THAP5: variants seen among roughly 807,000 people sequenced by gnomAD.
THAP5 encodes THAP domain-containing protein 5.
THAP5 carries 26 observed loss-of-function variants against 34.0 expected under a neutral mutation model. The ratio of observed to expected loss-of-function variants is 0.77; its 90% CI spans 0.56 to 1.06. THAP5 has a LOEUF of 1.06. THAP5 is among the 50% of genes least tolerant of loss of function. The pLI is 0.00. For missense variants in THAP5, 394 were observed against 452.8 expected, an observed-to-expected ratio of 0.87 and a Z score of 1.18; for synonymous variants, 125 against 153.0, an observed-to-expected ratio of 0.82 and a Z score of 1.35.
At chr7:108,560,122 G>A (rs1205792086), downstream of THAP5, among the ~76,000 whole-genome samples, 5 of 152,112 alleles carry the variant, frequency 3.3e-5, no homozygotes, top group Non-Finnish European at 7.3e-5. Context: ...AAGATTACAT[G>A]TTGTCTTGTA....
At position 108,565,110 on chromosome 7, in the gene THAP5, A is replaced by C; in HGVS notation, c.274-5T>G. Reference sequence around the variant, plus strand: ...TTTTTTAGAAGGGTCTTTTCCCTAGAAAATAATATTTTCATGTTCTGAAAA... The same window carrying C: ...TTTTTTAGAAGGGTCTTTTCCCTAGCAAATAATATTTTCATGTTCTGAAAA... On this transcript the variant is annotated splice_region_variant and splice_polypyrimidine_tract_variant and intron_variant, in intron 2 of 2. Coordinates refer to ENST00000415914, the MANE Select transcript of THAP5 (RefSeq NM_001130475.3). The C allele has an allele frequency of 6.7e-7, 1 of 1,488,548 alleles. No individual in the cohort carries two copies. The highest frequency in any genetic ancestry group is 8.9e-7 in the Non-Finnish European group (1 of 1,121,440). The allele number at this position is 1,488,548 out of a possible 1,614,324, so 92.2% of individuals were successfully genotyped here.
downstream of THAP5, among the ~76,000 whole-genome samples, chr7:108,558,414 T>TATATATATATA (rs1554694581): frequency 5.2e-4 from 69 of 133,018 alleles, no homozygotes; most frequent in Non-Finnish European, 7.5e-4. Context: ...TATATATATA[T>TATATATATATA]TTAGACAGAG....
At chr7:108,544,798 C>T in the THAP5 span, among the ~76,000 whole-genome samples, 1 of 151,996 alleles carries the variant, frequency 6.6e-6, no homozygotes, top group Non-Finnish European at 1.5e-5. Context: ...ACTGGGGCTA[C>T]AGGGGCACAT....
chr7:108,548,839 G>A, the THAP5 span, among the ~76,000 whole-genome samples: 2 of 152,138 alleles, frequency 1.3e-5, no homozygotes, highest in African/African-American at 4.8e-5. Context: ...AATTATGGGA[G>A]CTACAATTTA....
At chr7:108,567,748 C>T (rs371525784) in intron 1 of THAP5, among the ~76,000 whole-genome samples, 1 of 152,140 alleles carries the variant, frequency 6.6e-6, no homozygotes, top group African/African-American at 2.4e-5. Flanking sequence ...AAATTCAATT[C>T]AAGTTTGACG....
At position 108,563,036 on chromosome 7, in the gene THAP5, A is replaced by G. The variant is rs563087871; in HGVS notation, c.*1155T>C. The G allele has an allele frequency of 6.6e-6, 1 of 152,310 alleles. No individual in the cohort carries two copies. The highest frequency in any genetic ancestry group is 2.4e-5 in the African/African-American group (1 of 41,570). 9.4% of individuals were successfully genotyped at this position (152,310 alleles called of 1,614,324 possible). A position where few individuals can be genotyped will look rare whatever the true frequency, so the allele number is the denominator to read the frequency against. ...AACAGATACAAACTGTAATTTCTAA[A>G]ATATATTTAAAATTAACCTCATTAA... On this transcript the variant is annotated 3_prime_UTR_variant, in exon 3 of 3. Transcript: ENST00000415914.
chr7:108,549,241 C>T, the THAP5 span, among the ~76,000 whole-genome samples: 4 of 152,008 alleles, frequency 2.6e-5, no homozygotes, highest in African/African-American at 7.2e-5. Flanking sequence ...CCTGCCTCAG[C>T]CTCCTGAGTA....
downstream of THAP5, among the ~76,000 whole-genome samples, chr7:108,551,843 G>A (rs773333348): frequency 1.3e-5 from 2 of 152,186 alleles, no homozygotes; most frequent in East Asian, 3.8e-4. Flanking sequence ...AACTTCCCAC[G>A]TGATTTTAAT....
chr7:108,567,063 T>C (rs1790501935), intron 1 of THAP5, among the ~76,000 whole-genome samples: 2 of 152,154 alleles, frequency 1.3e-5, no homozygotes, highest in African/African-American at 2.4e-5. Context: ...TGTTTTGTAG[T>C]AGCATCATTT....
chr7:108,564,990 A>G lies in THAP5; in HGVS notation c.389T>C (p.Ile130Thr), dbSNP rs1564011167. 1.9e-6 allele frequency: 3 copies of G among 1,552,690 alleles called. No homozygotes were observed. The highest frequency in any genetic ancestry group is 2.6e-6 in the Non-Finnish European group (3 of 1,147,234). Residue 130 changes from isoleucine (I) to threonine (T), a missense_variant, in exon 3 of 3, where the codon ATA becomes ACA. By Grantham distance (89) the Ile-to-Thr change is moderately conservative (BLOSUM62 -1). Transcript: ENST00000415914. ...SFVLNETKKN[I>T]VNTDVPHQHP... ...TTGATGGGGCACATCTGTGTTAACTATATTTTTCTTTGTCTCATTTAATAC... is the reference window on the plus strand; with the variant it reads ...TTGATGGGGCACATCTGTGTTAACTGTATTTTTCTTTGTCTCATTTAATAC...
chr7:108,558,532 G>C (rs1864404073), downstream of THAP5, among the ~76,000 whole-genome samples: 1 of 150,562 alleles, frequency 6.6e-6, no homozygotes, highest in East Asian at 1.9e-4. Flanking sequence ...TGAGTATCTA[G>C]GATTACAGGC....
the THAP5 span, among the ~76,000 whole-genome samples, chr7:108,542,097 C>A: frequency 6.6e-6 from 1 of 152,162 alleles, no homozygotes; most frequent in Non-Finnish European, 1.5e-5. Flanking sequence ...CAAGAACTTT[C>A]ATAGTTTGTC....
chr7:108,562,127 G>A (rs1015978255), downstream of THAP5: 1 of 152,170 alleles, frequency 6.6e-6, no homozygotes, highest in Non-Finnish European at 1.5e-5. Flanking sequence ...TGGATTTTCA[G>A]ATAGTCAACT....
chr7:108,568,440 G>A (rs542192676), intron 1 of THAP5: 2 of 154,498 alleles, frequency 1.3e-5, no homozygotes, highest in East Asian at 3.9e-4. Context: ...GCCGACCTCA[G>A]GTGATCTGCC....
chr7:108,557,270 C>A (rs987910240), downstream of THAP5, among the ~76,000 whole-genome samples: 2 of 152,246 alleles, frequency 1.3e-5, no homozygotes, highest in Non-Finnish European at 2.9e-5. Context: ...CAGATTTCTG[C>A]AGCCTTTTAT....
At chr7:108,542,455 TTTTG>T in the THAP5 span, among the ~76,000 whole-genome samples, 1 of 152,188 alleles carries the variant, frequency 6.6e-6, no homozygotes, top group African/African-American at 2.4e-5. Flanking sequence ...TGTTTCTTTT[TTTTG>T]TTTGTTTTGT....
rs530706440 is a variant in THAP5 at position 108,566,031 on chromosome 7, T to A, written c.81-9A>T. On this transcript the variant is annotated splice_polypyrimidine_tract_variant and intron_variant, in intron 1 of 2. Coordinates refer to ENST00000415914, the MANE Select transcript of THAP5 (RefSeq NM_001130475.3). ...TGTCATGTAGAGGAAATCTGGAATT[T>A]AAAAAAAAAAGAAGAAAAAAGGAAA... 107 of 1,317,876 alleles carry A rather than the reference T, an allele frequency of 8.1e-5. No individual in the cohort carries two copies. In the South Asian group the frequency reaches 1.4e-3, roughly 17 times the overall value. 81.6% of individuals were successfully genotyped at this position (1,317,876 alleles called of 1,614,324 possible). A position where few individuals can be genotyped will look rare whatever the true frequency, so the allele number is the denominator to read the frequency against.
chr7:108,565,023 T>A lies in THAP5; in HGVS notation c.356A>T (p.Glu119Val), dbSNP rs1326512047. Residue 119 changes from glutamate to valine, a missense_variant, in exon 3 of 3, where the codon GAA (glutamate) becomes GTA (valine). By Grantham distance (121) the Glu-to-Val change is moderately radical (BLOSUM62 -2). Transcript: ENST00000415914. ...CTTTGTCTCATTTAATACAAATGAT[T>A]CTTCTGACTTGGCTTTTGGGCATAC... ...KEVCPKAKSE[E>V]SFVLNETKKN... 1 of 1,550,428 alleles carries A rather than the reference T, an allele frequency of 6.4e-7. No homozygotes were observed. Among genetic ancestry groups the A allele is most frequent in the South Asian group, 1.2e-5 (1 of 83,448 alleles).
chr7:108,554,460 G>A (rs1864373050), downstream of THAP5: 1 of 152,194 alleles, frequency 6.6e-6, no homozygotes. Flanking sequence ...AGATTAGAGA[G>A]TTTAAACTTA....
Sources: allele counts gnomAD v4.1 joint callset (sites outside exome capture counted in the v4.1 genomes callset), GRCh38; gene constraint gnomAD v4.1.1; transcripts MANE v1.5; gene names NCBI Gene and HGNC (gene_info 2026-07-23, HGNC 2026-07-21).